The following ANKS1B variants were observed in gnomAD, a reference collection of about 807,000 sequenced individuals.
ANKS1B encodes the protein ankyrin repeat and sterile alpha motif domain containing 1B.
In ANKS1B, 36 loss-of-function variants were observed where a neutral mutation model predicts 148.3. That is an observed-to-expected ratio of 0.24 (90% CI 0.19 to 0.32). The LOEUF is 0.32. ANKS1B is among the 10% of genes least tolerant of loss of function. The pLI, the probability that ANKS1B is intolerant of heterozygous loss-of-function variation, is 1.00. For synonymous variants in ANKS1B, 542 were observed against 560.8 expected (o/e 0.97, Z 0.47); for missense variants, 1,157 against 1,542.6 (o/e 0.75, Z 4.19).
chr12:99,146,100 T>C (rs1215965463), intron 15 of ANKS1B, among the ~76,000 whole-genome samples: 2 of 152,092 alleles, frequency 1.3e-5, no homozygotes, highest in Non-Finnish European at 2.9e-5. Flanking sequence ...ATGGGATAAT[T>C]TACATGGAAA....
intron 9 of ANKS1B, among the ~76,000 whole-genome samples, chr12:99,591,004 C>T (rs1257708745): frequency 6.6e-6 from 1 of 151,774 alleles, no homozygotes; most frequent in Non-Finnish European, 1.5e-5. Context: ...ATACTTCCTC[C>T]TATATTTTAA....
intron 8 of ANKS1B, among the ~76,000 whole-genome samples, chr12:99,694,164 G>A (rs1049340846): frequency 1.5e-4 from 22 of 149,956 alleles, no homozygotes; most frequent in South Asian, 4.2e-4. Context: ...AGATGGGCAC[G>A]GTGGCTCACA....
chr12:98,849,471 C>G (rs895803753), intron 17 of ANKS1B, among the ~76,000 whole-genome samples: 1 of 152,036 alleles, frequency 6.6e-6, no homozygotes, highest in African/African-American at 2.4e-5. Flanking sequence ...TTTCCAAACA[C>G]AACATTTCAA....
intron 17 of ANKS1B, among the ~76,000 whole-genome samples, chr12:98,849,016 G>A (rs540869802): frequency 5.3e-5 from 8 of 151,996 alleles, no homozygotes; most frequent in Non-Finnish European, 1.0e-4. Context: ...TGGGATTACA[G>A]GCATGAGCCA....
At chr12:99,232,015 C>T (rs553854741) in intron 14 of ANKS1B, among the ~76,000 whole-genome samples, 16 of 152,128 alleles carry the variant, frequency 1.1e-4, no homozygotes, top group African/African-American at 3.6e-4. Flanking sequence ...GTCTCTGCTG[C>T]GGTGAGGGAC....
At chr12:98,828,219 T>C (rs1241540522) in intron 19 of ANKS1B, among the ~76,000 whole-genome samples, 1 of 152,212 alleles carries the variant, frequency 6.6e-6, no homozygotes, top group African/African-American at 2.4e-5. Flanking sequence ...GCAGGCAGAA[T>C]AGCCATGGTT....
At chr12:99,267,259 C>T (rs2076538461) in intron 12 of ANKS1B, among the ~76,000 whole-genome samples, 2 of 152,146 alleles carry the variant, frequency 1.3e-5, no homozygotes, top group South Asian at 4.1e-4. Context: ...ATACAATGCA[C>T]CTTTCCAGAG....
chr12:98,993,224 G>C (rs2099927669), intron 17 of ANKS1B, among the ~76,000 whole-genome samples: 1 of 152,124 alleles, frequency 6.6e-6, no homozygotes, highest in Non-Finnish European at 1.5e-5. Context: ...CTGAAGTGCA[G>C]TGGCATGATC....
At position 98,744,602 on chromosome 12, in the gene ANKS1B, AATTTT is replaced by A; in HGVS notation, c.*1132_*1136del. On this transcript the variant is annotated 3_prime_UTR_variant, in exon 27 of 27. Transcript: ENST00000683438. ...AAAATACCTTAAAGAAATGTAAGTA[AATTTT>A]ATTTAATCAAATAGTAAGCAAACTT... 3 of 737,360 alleles carry A rather than the reference AATTTT, an allele frequency of 4.1e-6. No individual in the cohort carries two copies. The highest frequency in any genetic ancestry group is 5.0e-6 in the Non-Finnish European group (3 of 603,804). The allele number at this position is 737,360 out of a possible 1,614,324, so 45.7% of individuals were successfully genotyped here. A position where few individuals can be genotyped will look rare whatever the true frequency, so the allele number is the denominator to read the frequency against.
intron 15 of ANKS1B, among the ~76,000 whole-genome samples, chr12:99,124,368 G>A (rs966054226): frequency 3.3e-5 from 5 of 151,538 alleles, no homozygotes; most frequent in African/African-American, 4.9e-5. Context: ...CAGCATTTCC[G>A]CCCTGGGGAA....
chr12:99,118,113 ATCT>A (rs1426212870), intron 15 of ANKS1B, among the ~76,000 whole-genome samples: 1 of 152,256 alleles, frequency 6.6e-6, no homozygotes, highest in Admixed American at 6.5e-5. Flanking sequence ...GGATAGAACA[ATCT>A]TTGCAGAGAA....
chr12:99,029,684 C>G (rs1006528602), intron 17 of ANKS1B, among the ~76,000 whole-genome samples: 1 of 152,194 alleles, frequency 6.6e-6, no homozygotes, highest in Non-Finnish European at 1.5e-5. Flanking sequence ...AACTCAGCAG[C>G]ATGAAATGTA....
At position 99,225,335 on chromosome 12, in the gene ANKS1B, C is replaced by T. The variant is rs1373489996; in HGVS notation, c.2419+19007G>A. ...ATATTATAATGACAGTTCTATAGCC[C>T]ACTTTTGTCTTGATTATCAAGAAGC... On this transcript the variant is annotated intron_variant, in intron 14 of 26. Transcript: ENST00000683438. 3.3e-5 allele frequency among the ~76,000 whole-genome samples: 5 copies of T among 152,122 alleles called. No homozygotes were observed. In the South Asian group the frequency reaches 1.0e-3, roughly 32 times the overall value.
chr12:99,485,286 T>C lies in ANKS1B; in HGVS notation c.1438+19190A>G, dbSNP rs185984840. ...ATTTGTGAAACTTAGTTTTGTGGGATATAAAATTCTTGGCTGACAGTTGTT... is the reference window on the plus strand; with the variant it reads ...ATTTGTGAAACTTAGTTTTGTGGGACATAAAATTCTTGGCTGACAGTTGTT... On this transcript the variant is annotated intron_variant, in intron 10 of 26. Transcript: ENST00000683438. Among the ~76,000 whole-genome samples the C allele has an allele frequency of 1.9e-3, 292 of 152,206 alleles. 2 individuals are homozygous for C. The highest frequency in any genetic ancestry group is 6.6e-3 in the African/African-American group (274 of 41,556).
intron 9 of ANKS1B, among the ~76,000 whole-genome samples, chr12:99,652,098 T>C (rs12816426): frequency 0.015 from 2,232 of 147,876 alleles, 56 homozygotes; most frequent in African/African-American, 0.053. Context: ...CACACACATA[T>C]ACACACACAA....
At chr12:99,736,467 A>G (rs989056282) in intron 8 of ANKS1B, among the ~76,000 whole-genome samples, 1 of 151,672 alleles carries the variant, frequency 6.6e-6, no homozygotes, top group Admixed American at 6.6e-5. Context: ...GACATAGCTG[A>G]AAAAGAAACC....
chr12:99,931,126 G>T (rs370815090), intron 1 of ANKS1B, among the ~76,000 whole-genome samples: 1 of 152,136 alleles, frequency 6.6e-6, no homozygotes, highest in East Asian at 1.9e-4. Context: ...CTCACTCATA[G>T]GTGGAATTGA....
intron 17 of ANKS1B, among the ~76,000 whole-genome samples, chr12:98,860,985 G>A (rs1346648966): frequency 2.0e-5 from 3 of 152,082 alleles, no homozygotes; most frequent in African/African-American, 2.4e-5. Context: ...GAGAGGTGAG[G>A]GGACAATGGG....
chr12:99,262,535 AAAAGT>A (rs1416670359), intron 12 of ANKS1B, among the ~76,000 whole-genome samples: 34 of 152,050 alleles, frequency 2.2e-4, no homozygotes, highest in African/African-American at 6.8e-4. Flanking sequence ...AGTTATTAGT[AAAAGT>A]AAAGAGAGAA....
Sources: allele counts gnomAD v4.1 joint callset (sites outside exome capture counted in the v4.1 genomes callset), GRCh38; gene constraint gnomAD v4.1.1; transcripts MANE v1.5; gene names NCBI Gene and HGNC (gene_info 2026-07-23, HGNC 2026-07-21).